TEX9: variants seen among roughly 807,000 people sequenced by gnomAD.
TEX9 encodes the protein testis expressed 9.
A neutral mutation model predicts 59.6 loss-of-function variants in TEX9; 74 were observed. That is an observed-to-expected ratio of 1.24 (90% CI 1.03 to 1.51). TEX9 has a LOEUF of 1.51. TEX9 is among the 40% of genes most tolerant of loss of function. The pLI is 0.00. For synonymous variants in TEX9, 186 were observed against 152.2 expected, an observed-to-expected ratio of 1.22 and a Z score of -1.64; for missense variants, 522 against 447.8, an observed-to-expected ratio of 1.17 and a Z score of -1.49.
At chr15:56,259,821 G>T (rs2044223388) in intron 1 of TEX9, among the ~76,000 whole-genome samples, 1 of 151,972 alleles carries the variant, frequency 6.6e-6, no homozygotes, top group Non-Finnish European at 1.5e-5. Flanking sequence ...AATAACTTTT[G>T]AAGAATAGCT....
At chr15:56,317,934 C>A (rs1208639765) in intron 1 of TEX9, among the ~76,000 whole-genome samples, 1 of 152,050 alleles carries the variant, frequency 6.6e-6, no homozygotes, top group African/African-American at 2.4e-5. Flanking sequence ...ATCTCATGGG[C>A]ACTTGTGGAG....
chr15:56,403,874 A>G (rs1213981517), intron 9 of TEX9, among the ~76,000 whole-genome samples: 1 of 152,272 alleles, frequency 6.6e-6, no homozygotes, highest in Non-Finnish European at 1.5e-5. Context: ...AAAAACAAGA[A>G]ATGGGGAAAG....
chr15:56,358,513 A>G (rs1244661375), intron 1 of TEX9, among the ~76,000 whole-genome samples: 2 of 152,154 alleles, frequency 1.3e-5, no homozygotes, highest in African/African-American at 4.8e-5. Flanking sequence ...GAGAGTTCCC[A>G]TATACCCTGC....
At chr15:56,330,651 C>T (rs2046120815) in intron 1 of TEX9, among the ~76,000 whole-genome samples, 1 of 151,690 alleles carries the variant, frequency 6.6e-6, no homozygotes, top group Non-Finnish European at 1.5e-5. Flanking sequence ...ATAGTAACCT[C>T]ACATCAAAAA....
intron 1 of TEX9, among the ~76,000 whole-genome samples, chr15:56,280,539 T>C (rs1474387267): frequency 6.6e-6 from 1 of 152,226 alleles, no homozygotes; most frequent in Non-Finnish European, 1.5e-5. Context: ...AGTTAAATAA[T>C]GTATAAATGT....
chr15:56,351,953 T>A (rs2046589975), intron 1 of TEX9, among the ~76,000 whole-genome samples: 1 of 152,210 alleles, frequency 6.6e-6, no homozygotes, highest in Non-Finnish European at 1.5e-5. Context: ...CATAACTTTG[T>A]TAACAAGGCA....
chr15:56,446,679 ATCACGCAGGATTTTC>A (rs2050906484), downstream of TEX9, among the ~76,000 whole-genome samples: 1 of 152,050 alleles, frequency 6.6e-6, no homozygotes, highest in Non-Finnish European at 1.5e-5. Flanking sequence ...TAAAAATGAA[ATCACGCAGGATTTTC>A]TACATCTTAA....
chr15:56,367,745 A>G (rs1212153878), intron 2 of TEX9, among the ~76,000 whole-genome samples: 1 of 152,208 alleles, frequency 6.6e-6, no homozygotes, highest in Non-Finnish European at 1.5e-5. Context: ...ATTTTACTAC[A>G]TAAAATTCTT....
At chr15:56,404,177 T>A (rs564976065) in intron 9 of TEX9, among the ~76,000 whole-genome samples, 2 of 152,238 alleles carry the variant, frequency 1.3e-5, no homozygotes, top group South Asian at 4.2e-4. Context: ...CAAAAGAAAC[T>A]ACCATCAGAG....
intron 9 of TEX9, among the ~76,000 whole-genome samples, chr15:56,400,486 G>A (rs550296446): frequency 3.9e-5 from 6 of 152,322 alleles, no homozygotes; most frequent in South Asian, 2.1e-4. Context: ...GGGACTATGT[G>A]AAAAGACCAA....
chr15:56,298,893 T>C (rs1362874119), intron 1 of TEX9, among the ~76,000 whole-genome samples: 2 of 152,382 alleles, frequency 1.3e-5, no homozygotes, highest in East Asian at 3.9e-4. Context: ...CTTACTGTTA[T>C]TGATTACATG....
chr15:56,365,473 T>TCAC (rs1158958580), exon 1 of TEX9: 1 of 1,613,924 alleles, frequency 6.2e-7, no homozygotes, highest in African/African-American at 1.3e-5. Flanking sequence ...AGTCTGTGTC[T>TCAC]CACGGTCAGT....
At chr15:56,436,408 T>G (rs909640832) in intron 12 of TEX9, among the ~76,000 whole-genome samples, 3 of 152,140 alleles carry the variant, frequency 2.0e-5, no homozygotes, top group African/African-American at 7.2e-5. Flanking sequence ...TTGAAACCAA[T>G]GAGAACAAAG....
chr15:56,317,803 A>G (rs1443487476), intron 1 of TEX9, among the ~76,000 whole-genome samples: 1 of 152,172 alleles, frequency 6.6e-6, no homozygotes, highest in Non-Finnish European at 1.5e-5. Flanking sequence ...CAATTTCCAC[A>G]TATCTGAGAA....
chr15:56,269,382 C>T (rs1404385393), intron 1 of TEX9, among the ~76,000 whole-genome samples: 1 of 152,000 alleles, frequency 6.6e-6, no homozygotes, highest in Non-Finnish European at 1.5e-5. Context: ...TGTGTTTGCT[C>T]TTGCTTCTCT....
chr15:56,404,585 A>C (rs1355472908), intron 9 of TEX9, among the ~76,000 whole-genome samples: 1 of 152,204 alleles, frequency 6.6e-6, no homozygotes, highest in Non-Finnish European at 1.5e-5. Context: ...CGATTCCTCA[A>C]GGATCTAGAA....
At chr15:56,419,353 C>G (rs1283957478) in intron 10 of TEX9, among the ~76,000 whole-genome samples, 1 of 151,668 alleles carries the variant, frequency 6.6e-6, no homozygotes, top group African/African-American at 2.4e-5. Flanking sequence ...TACATATGGT[C>G]CCTTGTGTAT....
chr15:56,380,551 T>C (rs1266410948), intron 3 of TEX9, among the ~76,000 whole-genome samples: 1 of 151,744 alleles, frequency 6.6e-6, no homozygotes, highest in African/African-American at 2.4e-5. Flanking sequence ...TTAACATCCT[T>C]TTCTTTTAGA....
downstream of TEX9, among the ~76,000 whole-genome samples, chr15:56,449,524 A>T (rs188407928): frequency 2.6e-5 from 4 of 152,292 alleles, no homozygotes; most frequent in Admixed American, 6.5e-5. Context: ...AGATTACAGG[A>T]GCTAAATTCA....
Sources: gnomAD v4.1 joint callset for allele counts (sites outside exome capture counted in the v4.1 genomes callset) on GRCh38, gnomAD v4.1.1 for gene constraint, MANE v1.5 for transcripts, NCBI Gene and HGNC (gene_info 2026-07-23, HGNC 2026-07-21) for gene names.